The following RABGAP1L variants were observed in gnomAD, a reference collection of about 807,000 sequenced individuals.
RABGAP1L encodes the protein rab GTPase-activating protein 1-like.
RABGAP1L carries 63 observed loss-of-function variants against 137.7 expected under a neutral mutation model. That is an observed-to-expected ratio of 0.46 (90% CI 0.37 to 0.56). The LOEUF is 0.56. Among genes scored for constraint, RABGAP1L ranks in the 20% least tolerant of loss-of-function variants. The probability of loss-of-function intolerance (pLI) is 0.00; values close to 1 mark genes in which losing one functional copy is unlikely to be tolerated. For synonymous variants in RABGAP1L, 431 were observed against 433.7 expected (o/e 0.99, Z 0.08); for missense variants, 1,095 against 1,244.0 (o/e 0.88, Z 1.80).
At chr1:174,789,042 T>A (rs1007598885) in intron 18 of RABGAP1L, among the ~76,000 whole-genome samples, 1 of 152,060 alleles carries the variant, frequency 6.6e-6, no homozygotes, top group Admixed American at 6.6e-5. Flanking sequence ...TTCTTCTCTT[T>A]CCTGAAGTAG....
intron 13 of RABGAP1L, among the ~76,000 whole-genome samples, chr1:174,484,203 T>TA (rs1659413538): frequency 6.6e-6 from 1 of 152,242 alleles, no homozygotes; most frequent in African/African-American, 2.4e-5. Context: ...TATGTCATCT[T>TA]TGGAGAAATG....
chr1:174,904,419 C>G (rs1399166315), intron 19 of RABGAP1L, among the ~76,000 whole-genome samples: 2 of 152,146 alleles, frequency 1.3e-5, no homozygotes, highest in Non-Finnish European at 1.5e-5. Flanking sequence ...TCGCACCATA[C>G]TGGGTTACCT....
Position 174,654,914 on chromosome 1 carries a change from C to A in RABGAP1L, c.1824+17426C>A, listed in dbSNP as rs189011860. Among the ~76,000 whole-genome samples, 68 of 150,078 alleles carry A rather than the reference C, an allele frequency of 4.5e-4. 1 individual carries two copies. The East Asian group carries it at 0.012, about 27-fold the overall frequency. ...TGTTGATACTCTCCTTTTTCCCCAG[C>A]ATATAGGACAAATGTAATAACCTTT... On this transcript the variant is annotated intron_variant, in intron 14 of 25. Coordinates refer to ENST00000681986, the MANE Select transcript of RABGAP1L (RefSeq NM_001366446.1).
chr1:174,502,684 G>A (rs1441716215), intron 13 of RABGAP1L, among the ~76,000 whole-genome samples: 2 of 147,196 alleles, frequency 1.4e-5, no homozygotes, highest in East Asian at 2.0e-4. Context: ...ATACATATAT[G>A]TGTGTGTATA....
chr1:174,256,774 C>A (rs755535989), intron 7 of RABGAP1L, among the ~76,000 whole-genome samples: 3 of 152,062 alleles, frequency 2.0e-5, no homozygotes, highest in Non-Finnish European at 4.4e-5. Context: ...AGGGAGACTC[C>A]GTCTCAACAA....
intron 18 of RABGAP1L, among the ~76,000 whole-genome samples, chr1:174,753,770 T>C (rs947012302): frequency 2.0e-5 from 3 of 152,104 alleles, no homozygotes; most frequent in African/African-American, 7.2e-5. Context: ...TAATACAGAC[T>C]AAAAAAATAT....
chr1:174,499,093 A>G (rs994987928), intron 13 of RABGAP1L, among the ~76,000 whole-genome samples: 16 of 152,196 alleles, frequency 1.1e-4, no homozygotes, highest in Non-Finnish European at 2.1e-4. Flanking sequence ...ATCCAGTAGA[A>G]CTGGGGGGAA....
At chr1:174,313,567 A>G (rs952540809) in intron 11 of RABGAP1L, among the ~76,000 whole-genome samples, 1 of 152,158 alleles carries the variant, frequency 6.6e-6, no homozygotes, top group African/African-American at 2.4e-5. Context: ...CAGTGGTGAT[A>G]GTGGGCATCC....
intron 9 of RABGAP1L, among the ~76,000 whole-genome samples, chr1:174,278,410 A>G (rs1675198229): frequency 3.3e-5 from 5 of 152,170 alleles, no homozygotes; most frequent in Admixed American, 3.3e-4. Flanking sequence ...AACAACAAAC[A>G]CTTAGGATTA....
chr1:174,964,990 G>GTTT, intron 20 of RABGAP1L: 1 of 1,352,060 alleles, frequency 7.4e-7, no homozygotes, highest in Admixed American at 2.2e-5. Flanking sequence ...GAGGAGGTAA[G>GTTT]TTTTTTTTTT....
At chr1:174,838,069 A>G (rs1000521946) in intron 19 of RABGAP1L, among the ~76,000 whole-genome samples, 1 of 152,208 alleles carries the variant, frequency 6.6e-6, no homozygotes, top group Non-Finnish European at 1.5e-5. Context: ...AAAAGTTTCT[A>G]GCTGGCCAGG....
chr1:174,371,176 T>A (rs1372149336), intron 12 of RABGAP1L, 104 bp downstream of exon 12: 1 of 510,286 alleles, frequency 2.0e-6, no homozygotes. Flanking sequence ...GGATTAATAT[T>A]AAAATCTATC....
At position 174,886,070 on chromosome 1, in the gene RABGAP1L, A is replaced by G. The variant is rs145363093; in HGVS notation, c.2341-71387A>G. Among the ~76,000 whole-genome samples, 1,303 of 151,094 alleles carry G rather than the reference A, an allele frequency of 8.6e-3. 21 individuals carry two copies. The highest frequency in any genetic ancestry group is 0.031 in the African/African-American group (1,251 of 40,972). ...CTCTTGTTGCCCACGCTGGAGTACA[A>G]TGGCATGACCTCAGCTCACTGCAAC... On this transcript the variant is annotated intron_variant, in intron 19 of 25. Transcript: ENST00000681986.
At chr1:174,474,774 T>C (rs1456162504) in intron 13 of RABGAP1L, among the ~76,000 whole-genome samples, 1 of 152,056 alleles carries the variant, frequency 6.6e-6, no homozygotes, top group Non-Finnish European at 1.5e-5. Flanking sequence ...AGCTAATTTT[T>C]GTATTTTTAG....
At chr1:174,322,223 G>A (rs866522566) in intron 11 of RABGAP1L, among the ~76,000 whole-genome samples, 60 of 151,936 alleles carry the variant, frequency 3.9e-4, no homozygotes, top group African/African-American at 1.4e-3. Context: ...TTACATATAG[G>A]TCTGTTATCT....
intron 11 of RABGAP1L, among the ~76,000 whole-genome samples, chr1:174,355,345 C>G (rs1329173388): frequency 6.6e-6 from 1 of 151,544 alleles, no homozygotes; most frequent in Non-Finnish European, 1.5e-5. Flanking sequence ...CCATCATTCT[C>G]AGCAAACTAT....
chr1:174,849,159 C>T, intron 19 of RABGAP1L, among the ~76,000 whole-genome samples: 1 of 152,138 alleles, frequency 6.6e-6, no homozygotes, highest in Non-Finnish European at 1.5e-5. Flanking sequence ...CCCGGTACCT[C>T]AGATGGAAAT....
intron 13 of RABGAP1L, among the ~76,000 whole-genome samples, chr1:174,610,312 T>A (rs1671115735): frequency 6.6e-6 from 1 of 150,432 alleles, no homozygotes; most frequent in Non-Finnish European, 1.5e-5. Flanking sequence ...AGTGTTTGGT[T>A]TTTTGTCCTT....
At chr1:174,555,414 A>T (rs1188683149) in intron 13 of RABGAP1L, among the ~76,000 whole-genome samples, 1 of 152,202 alleles carries the variant, frequency 6.6e-6, no homozygotes, top group Non-Finnish European at 1.5e-5. Context: ...TTAATCACGT[A>T]AGCATCAAAA....
Sources: allele counts gnomAD v4.1 joint callset (sites outside exome capture counted in the v4.1 genomes callset), GRCh38; gene constraint gnomAD v4.1.1; transcripts MANE v1.5; gene names NCBI Gene and HGNC (gene_info 2026-07-23, HGNC 2026-07-21).